Variants in CALN1 observed in about 807,000 individuals in gnomAD.
CALN1 encodes the protein calcium-binding protein 8.
Under a neutral mutation model 30.6 loss-of-function variants are expected in CALN1, and 17 were observed. The ratio of observed to expected loss-of-function variants is 0.56; its 90% confidence interval spans 0.38 to 0.83. The LOEUF is 0.83. Among genes scored for constraint, CALN1 ranks in the 40% least tolerant of loss-of-function variants. CALN1 has a pLI of 0.00. For missense variants in CALN1, 291 were observed against 354.9 expected, an observed-to-expected ratio of 0.82 and a Z score of 1.45; for synonymous variants, 156 against 131.4, an observed-to-expected ratio of 1.19 and a Z score of -1.28.
chr7:72,073,009 A>G (rs1386846127), intron 4 of CALN1, among the ~76,000 whole-genome samples: 3 of 152,230 alleles, frequency 2.0e-5, no homozygotes, highest in Non-Finnish European at 4.4e-5. Context: ...AAGCTTTAAG[A>G]CACATGGGAA....
chr7:72,334,948 C>T (rs901964826), intron 2 of CALN1, among the ~76,000 whole-genome samples: 2 of 152,184 alleles, frequency 1.3e-5, no homozygotes, highest in African/African-American at 4.8e-5. Flanking sequence ...ACTCTGGAAA[C>T]ACAGCTCAGG....
intron 3 of CALN1, among the ~76,000 whole-genome samples, chr7:72,152,330 TG>T (rs1268954376): frequency 6.6e-6 from 1 of 152,192 alleles, no homozygotes; most frequent in African/African-American, 2.4e-5. Flanking sequence ...CCAAGATGAC[TG>T]TGGCTTCAAG....
intron 2 of CALN1, among the ~76,000 whole-genome samples, chr7:72,377,407 T>C (rs1275835987): frequency 6.6e-6 from 1 of 151,626 alleles, no homozygotes; most frequent in Non-Finnish European, 1.5e-5. Context: ...ATTGCTTTTT[T>C]ACTCTTTGGG....
chr7:72,487,713 AAAAGAAAG>A, the CALN1 span, among the ~76,000 whole-genome samples: 3 of 68,664 alleles, frequency 4.4e-5, no homozygotes, highest in East Asian at 5.3e-4. Flanking sequence ...AAAAGAAAAG[AAAAGAAAG>A]AAAGAAAGAA....
In CALN1 at chr7:72,399,057, G is replaced by A. The variant is rs10227403; in HGVS notation, c.119+4194C>T. On this transcript the variant is annotated intron_variant, in intron 2 of 6. Transcript: ENST00000395275. ...GTGAGAACTTTGAGAAAAAGGAGTA[G>A]AAGAGAAGGAGGTCACCATCTACAG... Among the ~76,000 whole-genome samples, 759 of 152,182 alleles carry A rather than the reference G, an allele frequency of 5.0e-3. 6 individuals are homozygous for A. Among genetic ancestry groups the A allele is most frequent in the African/African-American group, 0.017 (704 of 41,506 alleles).
chr7:71,846,151 CCTGA>C (rs1790220554), intron 5 of CALN1, among the ~76,000 whole-genome samples: 1 of 152,178 alleles, frequency 6.6e-6, no homozygotes, highest in Non-Finnish European at 1.5e-5. Flanking sequence ...ACATTCAGCA[CCTGA>C]CTGACTGCAG....
At chr7:72,101,624 G>C (rs1305794829) in intron 4 of CALN1, among the ~76,000 whole-genome samples, 1 of 152,058 alleles carries the variant, frequency 6.6e-6, no homozygotes, top group Admixed American at 6.6e-5. Context: ...TTGGCCCTAG[G>C]GTCCATTCAC....
chr7:71,956,955 C>T (rs530587410), intron 5 of CALN1, among the ~76,000 whole-genome samples: 1 of 152,298 alleles, frequency 6.6e-6, no homozygotes, highest in African/African-American at 2.4e-5. Flanking sequence ...ACCTTGGCCT[C>T]CCAAAGTGCT....
chr7:72,011,021 C>T (rs922605074), intron 5 of CALN1, among the ~76,000 whole-genome samples: 1 of 151,472 alleles, frequency 6.6e-6, no homozygotes, highest in African/African-American at 2.4e-5. Flanking sequence ...GGCGTGTTGG[C>T]ACGCACCTGT....
chr7:72,126,651 G>T (rs1808785970), intron 3 of CALN1, among the ~76,000 whole-genome samples: 1 of 151,734 alleles, frequency 6.6e-6, no homozygotes, highest in Admixed American at 6.6e-5. Flanking sequence ...ATTATATCAT[G>T]TTTATGCCTT....
chr7:71,811,459 G>A (rs1181783625), intron 5 of CALN1, among the ~76,000 whole-genome samples: 2 of 151,240 alleles, frequency 1.3e-5, no homozygotes, highest in East Asian at 2.0e-4. Flanking sequence ...TCCTGCCTTG[G>A]CCTCCTGAAA....
chr7:72,370,471 G>A (rs2138756), intron 2 of CALN1, among the ~76,000 whole-genome samples: 55,256 of 151,540 alleles, frequency 0.36, 10,980 homozygotes, highest in Middle Eastern at 0.53. Context: ...TGGCTAACAC[G>A]GTAAAACCCC....
At chr7:72,025,788 T>A (rs1032642676) in intron 4 of CALN1, among the ~76,000 whole-genome samples, 1 of 152,144 alleles carries the variant, frequency 6.6e-6, no homozygotes, top group African/African-American at 2.4e-5. Flanking sequence ...ATCAATGCCC[T>A]CTCAGAGTGC....
intron 5 of CALN1, among the ~76,000 whole-genome samples, chr7:71,960,500 A>G (rs756656811): frequency 6.6e-6 from 1 of 152,192 alleles, no homozygotes; most frequent in Non-Finnish European, 1.5e-5. Flanking sequence ...TGCAGAAGAT[A>G]ATGATTGCAT....
chr7:72,079,463 G>A (rs1405687417), intron 4 of CALN1, among the ~76,000 whole-genome samples: 1 of 152,064 alleles, frequency 6.6e-6, no homozygotes, highest in Non-Finnish European at 1.5e-5. Context: ...CTTTTGCCAC[G>A]TAGCTCACGG....
At chr7:72,307,942 C>A (rs959498763) in intron 2 of CALN1, among the ~76,000 whole-genome samples, 5 of 152,006 alleles carry the variant, frequency 3.3e-5, no homozygotes, top group Non-Finnish European at 7.4e-5. Context: ...GGTGAGTTCA[C>A]CAGAAGGACA....
At chr7:72,227,884 T>G (rs1044056988) in intron 3 of CALN1, among the ~76,000 whole-genome samples, 1 of 150,242 alleles carries the variant, frequency 6.7e-6, no homozygotes, top group African/African-American at 2.4e-5. Flanking sequence ...CAAGCTACAC[T>G]GTAGACACCA....
At chr7:72,313,055 G>A (rs1393903505) in intron 2 of CALN1, among the ~76,000 whole-genome samples, 6 of 151,926 alleles carry the variant, frequency 3.9e-5, no homozygotes, top group Non-Finnish European at 8.8e-5. Flanking sequence ...GGCTGGTCTC[G>A]AACTCCTGAC....
chr7:72,141,522 C>T (rs1349465941), intron 3 of CALN1, among the ~76,000 whole-genome samples: 3 of 152,044 alleles, frequency 2.0e-5, no homozygotes, highest in Non-Finnish European at 4.4e-5. Context: ...CCAAAACAAC[C>T]TTTTGTGTCC....
Sources: allele counts gnomAD v4.1 joint callset (sites outside exome capture counted in the v4.1 genomes callset), GRCh38; gene constraint gnomAD v4.1.1; transcripts MANE v1.5; gene names NCBI Gene and HGNC (gene_info 2026-07-23, HGNC 2026-07-21).